TTC28: variants seen among roughly 807,000 people sequenced by gnomAD.
TTC28 encodes tetratricopeptide repeat domain 28.
TTC28 carries 61 observed loss-of-function variants against 198.0 expected under a neutral mutation model. The observed-to-expected ratio is 0.31, with a 90% CI of 0.25 to 0.38. The LOEUF is 0.38. Among genes scored for constraint, TTC28 ranks in the 10% least tolerant of loss-of-function variants. TTC28 has a pLI of 1.00. For missense variants in TTC28, 2,678 were observed against 3,164.0 expected (o/e 0.85, Z 3.69); for synonymous variants, 1,171 against 1,297.8 (o/e 0.90, Z 2.10).
rs1941900663 is a variant in TTC28 at position 28,094,135 on chromosome 22, C to T, written c.3877G>A (p.Glu1293Lys). ...TCCCGGACACTGGCAATGTGCTGCT[C>T]CAGGGCTGAGCCGGTTGCTGTTGGA... ...TLPTATGSAL[E>K]QHIASVREAL... is the part of the protein sequence containing the mutation. The change falls in exon 12 of 23, where the codon GAG (glutamate) becomes AAG (lysine). Residue 1293 changes from glutamate to lysine, a missense_variant. Physicochemically the swap from Glu to Lys is moderately conservative, Grantham distance 56. Around this residue, in one of 8 missense-constraint regions of TTC28, gnomAD observed 727 missense variants for 861.9 expected, o/e 0.84. Transcript: ENST00000397906. 1 of 1,551,452 alleles carries T rather than the reference C, an allele frequency of 6.4e-7. No homozygotes were observed. Among genetic ancestry groups the T allele is most frequent in the South Asian group, 1.2e-5 (1 of 84,042 alleles).
intron 2 of TTC28, among the ~76,000 whole-genome samples, chr22:28,405,971 T>C (rs1300851767): frequency 6.6e-6 from 1 of 152,260 alleles, no homozygotes; most frequent in Admixed American, 6.5e-5. Context: ...ACAGTACCTC[T>C]GCTGCTGCTA....
At chr22:28,071,881 G>A (rs919504139) in intron 12 of TTC28, among the ~76,000 whole-genome samples, 7 of 152,030 alleles carry the variant, frequency 4.6e-5, no homozygotes, top group South Asian at 2.1e-4. Flanking sequence ...ACTCCTCACC[G>A]CATTAGCATA....
chr22:28,387,995 T>A (rs1304579558), intron 2 of TTC28, among the ~76,000 whole-genome samples: 1 of 152,230 alleles, frequency 6.6e-6, no homozygotes, highest in East Asian at 1.9e-4. Context: ...GTTTAAGTCT[T>A]TAATCCATCT....
intron 2 of TTC28, among the ~76,000 whole-genome samples, chr22:28,622,827 A>AT (rs577442473): frequency 0.11 from 15,976 of 147,838 alleles, 968 homozygotes; most frequent in African/African-American, 0.15. Context: ...GACAAAATAG[A>AT]TTTTTTTTTT....
At chr22:28,072,229 A>G (rs894709730) in intron 12 of TTC28, among the ~76,000 whole-genome samples, 1 of 152,204 alleles carries the variant, frequency 6.6e-6, no homozygotes, top group Non-Finnish European at 1.5e-5. Flanking sequence ...TAATGATGCT[A>G]TGTTGACCGT....
chr22:28,501,947 AGT>A (rs1419003718), intron 2 of TTC28, among the ~76,000 whole-genome samples: 5 of 152,168 alleles, frequency 3.3e-5, no homozygotes, highest in Admixed American at 2.6e-4. Context: ...GAGGTTTTAA[AGT>A]GTGTTCTGAT....
chr22:28,093,968 G>A (rs955215642), intron 12 of TTC28, 112 bp downstream of exon 12: 49 of 1,139,324 alleles, frequency 4.3e-5, no homozygotes, highest in African/African-American at 3.3e-4. Flanking sequence ...CAGACTGAGC[G>A]CAACTACATG....
intron 21 of TTC28, chr22:27,985,582 G>C (rs1937182649): frequency 4.7e-6 from 2 of 425,064 alleles, no homozygotes; most frequent in Non-Finnish European, 8.9e-6. Context: ...CATTTGGCGT[G>C]TGTGTGGCTC....
chr22:28,068,001 T>C (rs1479937723), intron 12 of TTC28, among the ~76,000 whole-genome samples: 1 of 152,192 alleles, frequency 6.6e-6, no homozygotes, highest in Non-Finnish European at 1.5e-5. Flanking sequence ...TCATCTCTAA[T>C]TTAGTGTTAC....
At chr22:28,098,806 C>T in intron 10 of TTC28, 109 bp downstream of exon 10, 1 of 1,379,276 alleles carries the variant, frequency 7.3e-7, no homozygotes, top group South Asian at 1.5e-5. Context: ...TCTGTTGTCA[C>T]AACAAATCAT....
At chr22:28,525,306 C>T (rs1302517454) in intron 2 of TTC28, among the ~76,000 whole-genome samples, 2 of 152,076 alleles carry the variant, frequency 1.3e-5, no homozygotes, top group African/African-American at 2.4e-5. Flanking sequence ...GTGCACATTA[C>T]CACATCTGGC....
intron 2 of TTC28, among the ~76,000 whole-genome samples, chr22:28,550,884 A>C (rs889883414): frequency 6.6e-6 from 1 of 152,158 alleles, no homozygotes; most frequent in Non-Finnish European, 1.5e-5. Flanking sequence ...ATGCAAATGG[A>C]CACCAAAAGC....
intron 2 of TTC28, among the ~76,000 whole-genome samples, chr22:28,604,026 C>T (rs1345093497): frequency 6.6e-6 from 1 of 151,784 alleles, no homozygotes; most frequent in Non-Finnish European, 1.5e-5. Flanking sequence ...ATCTGTAATC[C>T]CAGCATTTTG....
intron 2 of TTC28, among the ~76,000 whole-genome samples, chr22:28,335,363 TTAAAG>T (rs2045693806): frequency 6.6e-6 from 1 of 152,186 alleles, no homozygotes; most frequent in Admixed American, 6.5e-5. Context: ...CATATGAACT[TTAAAG>T]TAGTTTTTTC....
chr22:28,351,404 T>C (rs961470839), intron 2 of TTC28, among the ~76,000 whole-genome samples: 1 of 152,226 alleles, frequency 6.6e-6, no homozygotes, highest in Non-Finnish European at 1.5e-5. Context: ...TATAGTCTTC[T>C]ATTGTTTCAG....
At chr22:28,218,852 C>G (rs1927617223) in intron 5 of TTC28, among the ~76,000 whole-genome samples, 1 of 151,900 alleles carries the variant, frequency 6.6e-6, no homozygotes, top group Non-Finnish European at 1.5e-5. Context: ...GTCAAAAATA[C>G]AATGACTTCT....
At chr22:28,360,232 T>C (rs1017287952) in intron 2 of TTC28, among the ~76,000 whole-genome samples, 1 of 152,000 alleles carries the variant, frequency 6.6e-6, no homozygotes, top group African/African-American at 2.4e-5. Flanking sequence ...AAAAAACAGA[T>C]TAAAAAGGGC....
At chr22:28,365,203 A>C (rs991844110) in intron 2 of TTC28, among the ~76,000 whole-genome samples, 9 of 152,214 alleles carry the variant, frequency 5.9e-5, no homozygotes, top group African/African-American at 2.2e-4. Context: ...AATTTTTAGT[A>C]ATAAAATATT....
chr22:28,000,755 G>A (rs1208953770), intron 15 of TTC28: 2 of 152,440 alleles, frequency 1.3e-5, no homozygotes, highest in Non-Finnish European at 2.9e-5. Context: ...GCCAAGGGTG[G>A]CTGTGGGGTG....
Sources: gnomAD v4.1 joint callset for allele counts (sites outside exome capture counted in the v4.1 genomes callset) on GRCh38, gnomAD v4.1.1 for gene constraint, gnomAD v4.1.1 regional missense constraint, MANE v1.5 for transcripts, NCBI Gene and HGNC (gene_info 2026-07-23, HGNC 2026-07-21) for gene names.